The following SCEL variants were observed in gnomAD, a reference collection of about 807,000 sequenced individuals.
SCEL encodes sciellin.
In SCEL, 113 loss-of-function variants were observed where a neutral mutation model predicts 117.6. The observed-to-expected ratio is 0.96, with a 90% CI of 0.83 to 1.12. The LOEUF is 1.12. SCEL is among the 50% of genes most tolerant of loss of function. The pLI, the probability that SCEL is intolerant of heterozygous loss-of-function variation, is 0.00. For synonymous variants in SCEL, 270 were observed against 256.2 expected, an observed-to-expected ratio of 1.05 and a Z score of -0.51; for missense variants, 785 against 810.8, an observed-to-expected ratio of 0.97 and a Z score of 0.39.
intron 9 of SCEL, among the ~76,000 whole-genome samples, chr13:77,586,371 A>G (rs2086565947): frequency 2.6e-5 from 4 of 152,196 alleles, no homozygotes; most frequent in African/African-American, 9.6e-5. Flanking sequence ...CTCTCTGTCC[A>G]GCTCACTCCC....
chr13:77,583,969 A>C (rs1044963666), intron 9 of SCEL, among the ~76,000 whole-genome samples: 1 of 152,196 alleles, frequency 6.6e-6, no homozygotes, highest in Non-Finnish European at 1.5e-5. Context: ...AAGTGTTCAC[A>C]TGTTTCTCGT....
chr13:77,618,069 C>G lies in SCEL; in HGVS notation c.1628+9C>G, dbSNP rs768283566. The G allele has an allele frequency of 2.5e-6, 4 of 1,602,966 alleles. No individual in the cohort carries two copies. The East Asian group carries it at 6.7e-5, about 27-fold the overall frequency. ...CTTAGAAACACTAATCGGTAAATGA[C>G]CTTGACTATCTTGACATGTTTACAA... On this transcript the variant is annotated intron_variant, in intron 27 of 32. Transcript: ENST00000349847.
intron 27 of SCEL, among the ~76,000 whole-genome samples, chr13:77,621,171 T>G (rs929962252): frequency 1.3e-5 from 2 of 152,146 alleles, no homozygotes; most frequent in Admixed American, 1.3e-4. Context: ...CCCTGTAGAG[T>G]GATTTTCCCA....
In SCEL at chr13:77,555,807, G is replaced by A; in HGVS notation, c.-19-50G>A. ...CTCAGTCATGAAACAGTCACTTACA[G>A]GTTCTCAGAGTCATTGATGTGCTTT... On this transcript the variant is annotated intron_variant, in intron 1 of 32. Coordinates refer to ENST00000349847, the MANE Select transcript of SCEL (RefSeq NM_144777.3). 4 of 1,196,326 alleles carry A rather than the reference G, an allele frequency of 3.3e-6. No homozygotes were observed. In the Admixed American group the frequency reaches 5.1e-5, roughly 15 times the overall value. The allele number at this position is 1,196,326 out of a possible 1,614,324, so 74.1% of individuals were successfully genotyped here. A position where few individuals can be genotyped will look rare whatever the true frequency, so the allele number is the denominator to read the frequency against.
At chr13:77,601,017 C>T (rs2087635223) in intron 15 of SCEL, among the ~76,000 whole-genome samples, 3 of 152,006 alleles carry the variant, frequency 2.0e-5, no homozygotes, top group African/African-American at 7.3e-5. Flanking sequence ...AACCATCACA[C>T]AGGCTTGTTA....
intron 1 of SCEL, among the ~76,000 whole-genome samples, chr13:77,536,354 T>C (rs2083422093): frequency 6.6e-6 from 1 of 152,164 alleles, no homozygotes; most frequent in Non-Finnish European, 1.5e-5. Context: ...GGTTTTTGTC[T>C]CCACCCTATC....
intron 4 of SCEL, 99 bp downstream of exon 4, chr13:77,559,962 G>A (rs1299425880): frequency 1.9e-6 from 2 of 1,028,824 alleles, no homozygotes; most frequent in African/African-American, 3.2e-5. Flanking sequence ...AGCATGCCTT[G>A]GGCTTTCCCC....
chr13:77,598,488 G>A (rs777308247), intron 13 of SCEL, among the ~76,000 whole-genome samples: 6 of 152,056 alleles, frequency 3.9e-5, no homozygotes, highest in Non-Finnish European at 8.8e-5. Flanking sequence ...CAGACTCCAC[G>A]GCCCGCTGAG....
chr13:77,604,529 C>A, intron 19 of SCEL, 114 bp downstream of exon 19: 2 of 719,118 alleles, frequency 2.8e-6, no homozygotes, highest in Admixed American at 2.9e-5. Context: ...ACAAACTGAG[C>A]TCTTTTTTCT....
intron 12 of SCEL, among the ~76,000 whole-genome samples, chr13:77,596,283 A>G (rs538342444): frequency 6.6e-6 from 1 of 152,232 alleles, no homozygotes; most frequent in African/African-American, 2.4e-5. Flanking sequence ...CAGTGAGCCA[A>G]GATCATGCCA....
intron 4 of SCEL, among the ~76,000 whole-genome samples, chr13:77,560,142 C>T (rs976088228): frequency 2.6e-5 from 4 of 151,808 alleles, no homozygotes; most frequent in African/African-American, 7.3e-5. Context: ...GAAACACGAT[C>T]ATATCAGGCC....
intron 16 of SCEL, 120 bp from the exon 17 acceptor site, chr13:77,602,534 T>C: frequency 1.3e-6 from 1 of 767,582 alleles, no homozygotes; most frequent in East Asian, 2.5e-5. Flanking sequence ...ATCAAAGCTC[T>C]TTTTGGTCAT....
At chr13:77,612,572 G>T (rs4885473) in intron 22 of SCEL, among the ~76,000 whole-genome samples, 139,887 of 150,000 alleles carry the variant, frequency 0.93, 65,263 homozygotes, top group South Asian at 0.96. Context: ...TTTCTCTCGT[G>T]CATTGTAACC....
intron 11 of SCEL, among the ~76,000 whole-genome samples, chr13:77,592,424 G>T (rs947955769): frequency 3.3e-5 from 5 of 152,160 alleles, no homozygotes; most frequent in Admixed American, 3.3e-4. Context: ...AGAATCTTTA[G>T]TGTGCTTATG....
intron 12 of SCEL, among the ~76,000 whole-genome samples, chr13:77,595,474 A>G (rs1306528441): frequency 6.6e-6 from 1 of 152,250 alleles, no homozygotes; most frequent in African/African-American, 2.4e-5. Context: ...TTTGGAATAC[A>G]GTATCCATTT....
At chr13:77,637,907 A>G (rs1464648310) in intron 30 of SCEL, among the ~76,000 whole-genome samples, 1 of 152,180 alleles carries the variant, frequency 6.6e-6, no homozygotes, top group Non-Finnish European at 1.5e-5. Flanking sequence ...TTACCATTCA[A>G]TGTTCAGTGG....
intron 4 of SCEL, among the ~76,000 whole-genome samples, chr13:77,563,051 A>T (rs138630115): frequency 4.7e-4 from 71 of 152,180 alleles, no homozygotes; most frequent in African/African-American, 1.5e-3. Flanking sequence ...TCTGATCAGG[A>T]TCTTTCCTTT....
intron 5 of SCEL, among the ~76,000 whole-genome samples, chr13:77,567,142 C>G (rs1300331933): frequency 2.0e-5 from 3 of 152,080 alleles, no homozygotes; most frequent in Non-Finnish European, 4.4e-5. Flanking sequence ...GAAAGACAAA[C>G]AGGCAAAAGG....
intron 28 of SCEL, among the ~76,000 whole-genome samples, chr13:77,633,992 T>G (rs571232828): frequency 2.0e-5 from 3 of 152,340 alleles, no homozygotes; most frequent in South Asian, 4.1e-4. Flanking sequence ...ATTGTCATGA[T>G]AGCTAATTAA....
Sources: allele counts gnomAD v4.1 joint callset (sites outside exome capture counted in the v4.1 genomes callset), GRCh38; gene constraint gnomAD v4.1.1; transcripts MANE v1.5; gene names NCBI Gene and HGNC (gene_info 2026-07-23, HGNC 2026-07-21).